ADAMTS14: variants seen among roughly 807,000 people sequenced by gnomAD.
ADAMTS14 encodes ADAM metallopeptidase with thrombospondin type 1 motif 14.
Under a neutral mutation model 128.6 loss-of-function variants are expected in ADAMTS14, and 100 were observed. The ratio of observed to expected loss-of-function variants is 0.78; its 90% CI spans 0.66 to 0.92. The LOEUF (loss-of-function observed/expected upper bound fraction) is 0.92, where lower values mean the gene tolerates loss of function less well. Among genes scored for constraint, ADAMTS14 ranks in the 40% least tolerant of loss-of-function variants. The pLI is 0.00. For missense variants in ADAMTS14, 1,562 were observed against 1,658.6 expected (o/e 0.94, Z 1.01); for synonymous variants, 665 against 653.8 (o/e 1.02, Z -0.26).
At chr10:70,744,709 G>A (rs1389717880) in intron 14 of ADAMTS14, among the ~76,000 whole-genome samples, 2 of 152,154 alleles carry the variant, frequency 1.3e-5, no homozygotes, top group South Asian at 2.1e-4. Context: ...TATAAATGGG[G>A]CCTATTTTCC....
Position 70,721,641 on chromosome 10 carries a change from C to G in ADAMTS14, c.871-7653C>G, listed in dbSNP as rs544618450. Among the ~76,000 whole-genome samples, 19 of 152,260 alleles carry G rather than the reference C, an allele frequency of 1.2e-4. 1 individual carries two copies. The East Asian group carries it at 3.7e-3, about 29-fold the overall frequency. ...TGACCTCGTGATCCACCCGCCTTGG[C>G]CTTCCAAAGTGCTGGGATTACAGGC... On this transcript the variant is annotated intron_variant, in intron 4 of 21. Transcript: ENST00000373207.
At chr10:70,748,550 T>A (rs961265396) in intron 15 of ADAMTS14, among the ~76,000 whole-genome samples, 1 of 152,184 alleles carries the variant, frequency 6.6e-6, no homozygotes, top group African/African-American at 2.4e-5. Flanking sequence ...GCCCCTACAT[T>A]GCTCCTGTCT....
chr10:70,695,091 C>T (rs1205426940), intron 2 of ADAMTS14, among the ~76,000 whole-genome samples: 1 of 152,198 alleles, frequency 6.6e-6, no homozygotes, highest in Non-Finnish European at 1.5e-5. Flanking sequence ...TTTGGATTTG[C>T]ATTTCCCTGA....
At position 70,674,526 on chromosome 10, in the gene ADAMTS14, T is replaced by C. The variant is rs377487930; in HGVS notation, c.83-30T>C. On this transcript the variant is annotated intron_variant, in intron 1 of 21. Transcript: ENST00000373207. ...TCCCCTTACCTCTGAACCGACTGCA[T>C]TGAAGTGACTCTTTGTTTACCTCCA... is the stretch of plus-strand genomic sequence containing the variant. 4 of 1,594,236 alleles carry C rather than the reference T, an allele frequency of 2.5e-6. No homozygotes were observed. In the African/African-American group the frequency reaches 4.0e-5, roughly 16 times the overall value.
At chr10:70,716,183 G>T (rs1252883484) in intron 4 of ADAMTS14, among the ~76,000 whole-genome samples, 1 of 152,218 alleles carries the variant, frequency 6.6e-6, no homozygotes, top group Non-Finnish European at 1.5e-5. Flanking sequence ...GGTGAGGAGA[G>T]AGGAGAGTAA....
At chr10:70,728,672 T>G (rs1841522372) in intron 4 of ADAMTS14, among the ~76,000 whole-genome samples, 1 of 152,260 alleles carries the variant, frequency 6.6e-6, no homozygotes, top group Non-Finnish European at 1.5e-5. Flanking sequence ...TCTAGAGCAG[T>G]GCTCTTCAAA....
At chr10:70,748,458 G>C (rs938160817) in intron 15 of ADAMTS14, among the ~76,000 whole-genome samples, 2 of 152,166 alleles carry the variant, frequency 1.3e-5, no homozygotes, top group Non-Finnish European at 2.9e-5. Flanking sequence ...GGGTGGGCAG[G>C]AGGCGAGGGG....
intron 5 of ADAMTS14, 104 bp downstream of exon 5, chr10:70,729,481 C>A: frequency 1.0e-6 from 1 of 988,364 alleles, no homozygotes; most frequent in Non-Finnish European, 1.6e-6. Flanking sequence ...ATCCAGGAAT[C>A]TGTTTCCAGA....
chr10:70,687,263 G>C (rs1190147482), intron 2 of ADAMTS14, among the ~76,000 whole-genome samples: 1 of 107,342 alleles, frequency 9.3e-6, no homozygotes, highest in Admixed American at 9.3e-5. Flanking sequence ...CCTCCCGGAC[G>C]AGGCGGCTGG....
chr10:70,730,403 G>A, intron 6 of ADAMTS14, 154 bp downstream of exon 6: 3 of 1,120,372 alleles, frequency 2.7e-6, no homozygotes, highest in Non-Finnish European at 3.7e-6. Flanking sequence ...GCTTTGCAAT[G>A]GTTTATTGGG....
intron 15 of ADAMTS14, among the ~76,000 whole-genome samples, chr10:70,748,311 C>T (rs1360747441): frequency 6.6e-5 from 10 of 152,154 alleles, no homozygotes; most frequent in Non-Finnish European, 1.3e-4. Flanking sequence ...GGCTCTGCTA[C>T]AGTGAGGTGC....
chr10:70,740,601 C>T (rs746562211), intron 11 of ADAMTS14, among the ~76,000 whole-genome samples: 6 of 152,150 alleles, frequency 3.9e-5, no homozygotes, highest in Admixed American at 6.5e-5. Flanking sequence ...GTGGCTGAGT[C>T]GTTTATGGGG....
chr10:70,706,621 T>A (rs1840676548), intron 3 of ADAMTS14, among the ~76,000 whole-genome samples: 1 of 152,088 alleles, frequency 6.6e-6, no homozygotes, highest in Non-Finnish European at 1.5e-5. Flanking sequence ...GCCTCAAGGG[T>A]AAGTGAGGGA....
intron 4 of ADAMTS14, among the ~76,000 whole-genome samples, chr10:70,721,972 A>G (rs967004016): frequency 6.6e-6 from 1 of 152,134 alleles, no homozygotes; most frequent in Non-Finnish European, 1.5e-5. Context: ...GGGAGGTGTC[A>G]ATGGGAGGTT....
At position 70,745,280 on chromosome 10, in the gene ADAMTS14, C is replaced by G. The variant is rs1251139847; in HGVS notation, c.2237C>G (p.Ala746Gly). Residue 746 changes from alanine to glycine, a missense_variant, in exon 15 of 22, where the codon GCA becomes GGA. By Grantham distance (60) the Ala-to-Gly change is moderately conservative. Coordinates refer to ENST00000373207, the MANE Select transcript of ADAMTS14 (RefSeq NM_080722.4). ...PAGARHIQIE[A>G]LEKSPHRIVV... is the part of the protein sequence containing the mutation. ...GGTGCCAGGCACATCCAGATTGAGG[C>G]ACTGGAGAAGTCCCCCCACCGCATT... 2 of 1,612,620 alleles carry G rather than the reference C, an allele frequency of 1.2e-6. No homozygotes were observed. Among genetic ancestry groups the G allele is most frequent in the South Asian group, 1.1e-5 (1 of 91,014 alleles).
At chr10:70,708,803 T>A (rs1285529036) in intron 4 of ADAMTS14, 25 bp downstream of exon 4, 1 of 1,058,316 alleles carries the variant, frequency 9.4e-7, no homozygotes, top group East Asian at 5.2e-5. Context: ...GTCCTAGGAC[T>A]TGGGGGGAGT....
At chr10:70,748,445 C>A (rs1022068533) in intron 15 of ADAMTS14, among the ~76,000 whole-genome samples, 1 of 152,200 alleles carries the variant, frequency 6.6e-6, no homozygotes, top group Non-Finnish European at 1.5e-5. Context: ...GAGGGAGAGG[C>A]CTGGGTGGGC....
At chr10:70,758,138 A>G in intron 20 of ADAMTS14, 37 bp from the exon 21 acceptor site, 1 of 1,612,900 alleles carries the variant, frequency 6.2e-7, no homozygotes, top group South Asian at 1.1e-5. Flanking sequence ...CTTGGGCCAA[A>G]GTCCCAAATA....
chr10:70,712,678 G>T (rs1840899244), intron 4 of ADAMTS14, among the ~76,000 whole-genome samples: 2 of 152,322 alleles, frequency 1.3e-5, no homozygotes, highest in East Asian at 3.9e-4. Flanking sequence ...TGCTCTTAGT[G>T]ACCCATGGTG....
Sources: allele counts gnomAD v4.1 joint callset (sites outside exome capture counted in the v4.1 genomes callset), GRCh38; gene constraint gnomAD v4.1.1; transcripts MANE v1.5; gene names NCBI Gene and HGNC (gene_info 2026-07-23, HGNC 2026-07-21).